Variants in GPC6 observed in about 807,000 individuals in gnomAD.
GPC6 encodes glypican 6.
GPC6 carries 14 observed loss-of-function variants against 55.2 expected under a neutral mutation model. The ratio of observed to expected loss-of-function variants is 0.25; its 90% CI spans 0.17 to 0.40. The LOEUF (loss-of-function observed/expected upper bound fraction) is 0.40, where lower values mean the gene tolerates loss of function less well. GPC6 is among the 10% of genes least tolerant of loss of function. GPC6 has a pLI of 1.00. For synonymous variants in GPC6, 278 were observed against 259.6 expected, an observed-to-expected ratio of 1.07 and a Z score of -0.68; for missense variants, 641 against 708.5, an observed-to-expected ratio of 0.90 and a Z score of 1.08.
intron 6 of GPC6, among the ~76,000 whole-genome samples, chr13:94,372,523 C>T (rs1402845444): frequency 6.6e-6 from 1 of 152,198 alleles, no homozygotes; most frequent in Non-Finnish European, 1.5e-5. Flanking sequence ...AAAAACGGCG[C>T]ACCACGAGAG....
chr13:93,402,675 A>G lies in GPC6; in HGVS notation c.161-142588A>G, dbSNP rs183187044. ...CCCAAAATCTAGCAGGTTTGATTGT[A>G]TACTATTCAACTAACAGCCTTAAAA... On this transcript the variant is annotated intron_variant, in intron 1 of 8. Coordinates refer to ENST00000377047, the MANE Select transcript of GPC6 (RefSeq NM_005708.5). 1.1e-4 allele frequency among the ~76,000 whole-genome samples: 17 copies of G among 152,288 alleles called. 1 individual carries two copies. The highest frequency in any genetic ancestry group is 3.8e-4 in the African/African-American group (16 of 41,572).
chr13:93,533,135 G>C (rs1307719119), intron 1 of GPC6, among the ~76,000 whole-genome samples: 1 of 152,114 alleles, frequency 6.6e-6, no homozygotes, highest in Non-Finnish European at 1.5e-5. Context: ...GAAAAATGTT[G>C]AAAAGTGCTT....
chr13:94,116,682 T>C (rs2138847486), intron 4 of GPC6, among the ~76,000 whole-genome samples: 1 of 152,248 alleles, frequency 6.6e-6, no homozygotes, highest in East Asian at 1.9e-4. Context: ...GCGCTTACGT[T>C]TGTATTCTAC....
At chr13:93,613,590 G>A (rs1878587017) in intron 2 of GPC6, among the ~76,000 whole-genome samples, 2 of 151,264 alleles carry the variant, frequency 1.3e-5, no homozygotes, top group South Asian at 4.2e-4. Flanking sequence ...TTCCATTGAT[G>A]TCACTTGTTT....
chr13:93,730,143 A>G (rs1351547164), intron 2 of GPC6, among the ~76,000 whole-genome samples: 2 of 152,164 alleles, frequency 1.3e-5, no homozygotes, highest in East Asian at 3.9e-4. Flanking sequence ...TCACTTCATC[A>G]TAAGTTGCTT....
chr13:93,498,488 C>G (rs1043197457), intron 1 of GPC6, among the ~76,000 whole-genome samples: 3 of 152,144 alleles, frequency 2.0e-5, no homozygotes, highest in African/African-American at 7.2e-5. Flanking sequence ...TCCCAGAAAT[C>G]CCATGTGTTG....
At chr13:93,304,302 C>A (rs769574688) in intron 1 of GPC6, among the ~76,000 whole-genome samples, 20 of 152,248 alleles carry the variant, frequency 1.3e-4, no homozygotes, top group Non-Finnish European at 2.8e-4. Context: ...TCCATGTGAC[C>A]AAGGCTGTGA....
At chr13:94,204,446 A>G (rs1388229724) in intron 4 of GPC6, among the ~76,000 whole-genome samples, 1 of 152,176 alleles carries the variant, frequency 6.6e-6, no homozygotes, top group East Asian at 1.9e-4. Flanking sequence ...ACATAAATCA[A>G]TAAACCATTC....
intron 4 of GPC6, among the ~76,000 whole-genome samples, chr13:94,175,953 T>TGG (rs1888741110): frequency 1.9e-5 from 2 of 106,570 alleles, no homozygotes; most frequent in Non-Finnish European, 4.1e-5. Context: ...TATATATATA[T>TGG]ATAGAGAGAG....
intron 3 of GPC6, among the ~76,000 whole-genome samples, chr13:93,893,534 A>C (rs1265351408): frequency 6.6e-6 from 1 of 152,152 alleles, no homozygotes; most frequent in Non-Finnish European, 1.5e-5. Flanking sequence ...CGTGCCAGCC[A>C]ACAAGGATGT....
At chr13:94,179,081 C>T (rs1888896016) in intron 4 of GPC6, among the ~76,000 whole-genome samples, 1 of 152,196 alleles carries the variant, frequency 6.6e-6, no homozygotes, top group Admixed American at 6.5e-5. Flanking sequence ...CTCAGATCGT[C>T]TCGTTTCTGT....
chr13:94,108,790 C>T (rs1037099930), intron 4 of GPC6, among the ~76,000 whole-genome samples: 1 of 148,390 alleles, frequency 6.7e-6, no homozygotes, highest in African/African-American at 2.5e-5. Context: ...TGCAGTGAGC[C>T]AAGATGGCAG....
chr13:93,536,665 A>C (rs1348209592), intron 1 of GPC6, among the ~76,000 whole-genome samples: 1 of 152,194 alleles, frequency 6.6e-6, no homozygotes, highest in Non-Finnish European at 1.5e-5. Flanking sequence ...GTTATTGTGA[A>C]TAATGCTGCC....
chr13:93,265,866 G>A (rs188475694), intron 1 of GPC6, among the ~76,000 whole-genome samples: 23 of 150,346 alleles, frequency 1.5e-4, no homozygotes, highest in Middle Eastern at 3.5e-3. Context: ...CTCCTTATGC[G>A]CAAGGACAAC....
At chr13:93,344,956 ATTCT>A (rs1880379390) in intron 1 of GPC6, among the ~76,000 whole-genome samples, 1 of 152,170 alleles carries the variant, frequency 6.6e-6, no homozygotes, top group Non-Finnish European at 1.5e-5. Flanking sequence ...GCATAAGGTA[ATTCT>A]TTCTATTTAT....
At chr13:94,297,026 G>T (rs1010386077) in intron 5 of GPC6, among the ~76,000 whole-genome samples, 20 of 151,886 alleles carry the variant, frequency 1.3e-4, no homozygotes. Context: ...TTTGTTAAAC[G>T]CAGTTGTTAC....
intron 6 of GPC6, among the ~76,000 whole-genome samples, chr13:94,329,823 A>C (rs1207343627): frequency 2.0e-5 from 3 of 149,536 alleles, no homozygotes; most frequent in Admixed American, 6.6e-5. Context: ...ATTTGGGACA[A>C]AAAAAAAATC....
intron 4 of GPC6, among the ~76,000 whole-genome samples, chr13:94,135,804 G>A (rs969261680): frequency 2.6e-5 from 4 of 152,160 alleles, no homozygotes; most frequent in African/African-American, 9.7e-5. Context: ...CATCTCCAAC[G>A]CAAGGTGGTT....
At chr13:93,929,674 T>A (rs1015733828) in intron 3 of GPC6, among the ~76,000 whole-genome samples, 2 of 152,012 alleles carry the variant, frequency 1.3e-5, no homozygotes, top group African/African-American at 4.8e-5. Context: ...TTCAGCACTG[T>A]CCCATAGAAA....
Sources: gnomAD v4.1 joint callset for allele counts (sites outside exome capture counted in the v4.1 genomes callset) on GRCh38, gnomAD v4.1.1 for gene constraint, MANE v1.5 for transcripts, NCBI Gene and HGNC (gene_info 2026-07-23, HGNC 2026-07-21) for gene names.